Variants in CFAP47 observed in about 807,000 individuals in gnomAD.
CFAP47 encodes cilia- and flagella-associated protein 47.
CFAP47 carries 29 observed loss-of-function variants against 148.1 expected under a neutral mutation model. That is an observed-to-expected ratio of 0.20 (90% CI 0.15 to 0.27). CFAP47 has a LOEUF of 0.27. Ranked by LOEUF, CFAP47 falls within the 10% of genes least tolerant of loss-of-function variation. The pLI, the probability that CFAP47 is intolerant of heterozygous loss-of-function variation, is 1.00. For synonymous variants in CFAP47, 664 were observed against 577.3 expected (o/e 1.15, Z -2.15); for missense variants, 1,872 against 1,697.5 (o/e 1.10, Z -1.81).
chrX:35,968,002 T>C (rs759511757), intron 10 of CFAP47, among the ~76,000 whole-genome samples, 170 bp downstream of exon 10: 3 of 110,224 alleles, frequency 2.7e-5, no homozygotes, highest in Non-Finnish European at 5.7e-5. Flanking sequence ...TGGAGTGACA[T>C]GGTTGTTGAA....
chrX:35,972,008 A>T (rs765690337), intron 13 of CFAP47, 43 bp downstream of exon 13: 43 of 647,421 alleles, frequency 6.6e-5, no homozygotes, highest in African/African-American at 1.3e-4. Context: ...ATTTTTTTAT[A>T]AAAAAAAGAT....
At chrX:36,355,350 T>C (rs1941777414) in intron 60 of CFAP47, among the ~76,000 whole-genome samples, 1 of 111,729 alleles carries the variant, frequency 9.0e-6, no homozygotes, top group Non-Finnish European at 1.9e-5. Context: ...TCATCTATTA[T>C]CTAGCAATCC....
Position 36,200,488 on chromosome X carries a change from A to T in CFAP47, c.6431A>T (p.Glu2144Val). 3.4e-6 allele frequency: 1 copy of T among 296,378 alleles called. No individual in the cohort carries two copies. The highest frequency in any genetic ancestry group is 5.9e-6 in the Non-Finnish European group (1 of 169,512). 24.4% of individuals were successfully genotyped at this position (296,378 alleles called of 1,213,427 possible). Residue 2144 changes from glutamate to valine, a missense_variant, in exon 43 of 64, where the codon GAA (glutamate) becomes GTA (valine). Transcript: ENST00000378653. ...SSPVYYSTTR[E>V]EGPNKKYPVL... ...CCAGTTTATTACAGCACTACTCGAG[A>T]AGAAGGTAGAGTACACATGTGTTTT...
chrX:36,235,258 C>T (rs902535431), intron 46 of CFAP47, among the ~76,000 whole-genome samples: 8 of 112,136 alleles, frequency 7.1e-5, no homozygotes, highest in Non-Finnish European at 9.4e-5. Context: ...CCTTGAGCTG[C>T]GGTGGGCTCC....
chrX:36,261,339 T>C (rs1465521254), intron 49 of CFAP47, among the ~76,000 whole-genome samples: 1 of 96,237 alleles, frequency 1.0e-5, no homozygotes, highest in Non-Finnish European at 2.1e-5. Context: ...TTTTTTTTTT[T>C]TTTTTCATTG....
Position 35,924,392 on chromosome X carries a change from T to C in CFAP47, c.250-1625T>C, listed in dbSNP as rs770283451. On this transcript the variant is annotated intron_variant, in intron 1 of 63. Transcript: ENST00000378653. ...ATGTGCATATATGCACACATATGTG[T>C]ATATATGCACACACATATGTGTATA... Among the ~76,000 whole-genome samples the C allele has an allele frequency of 4.8e-5, 5 of 104,714 alleles. No homozygotes were observed. In the East Asian group the frequency reaches 1.2e-3, roughly 25 times the overall value. 90.9% of individuals were successfully genotyped at this position (104,714 alleles called of 115,157 possible).
chrX:36,263,752 G>A (rs782085908), intron 49 of CFAP47, among the ~76,000 whole-genome samples: 25 of 111,536 alleles, frequency 2.2e-4, no homozygotes, highest in Middle Eastern at 9.3e-3. Context: ...AATCAAGGAC[G>A]CCAAGAGCCC....
intron 63 of CFAP47, 134 bp downstream of exon 63, chrX:36,379,652 C>G: frequency 2.0e-6 from 1 of 501,922 alleles, no homozygotes; most frequent in East Asian, 3.8e-5. Context: ...CAACTTATCT[C>G]AACTGCTACA....
intron 57 of CFAP47, among the ~76,000 whole-genome samples, chrX:36,339,619 A>G (rs977128641): frequency 9.0e-6 from 1 of 111,525 alleles, no homozygotes; most frequent in African/African-American, 3.3e-5. Flanking sequence ...TGGTTATGCA[A>G]CGTGTGCTTG....
At chrX:36,227,086 T>C (rs1477755673) in intron 45 of CFAP47, among the ~76,000 whole-genome samples, 2 of 111,848 alleles carry the variant, frequency 1.8e-5, no homozygotes, top group African/African-American at 6.5e-5. Context: ...TTTGTTCTAT[T>C]GAGATTGCCA....
At chrX:36,236,294 A>G (rs1419102626) in intron 47 of CFAP47, among the ~76,000 whole-genome samples, 1 of 112,408 alleles carries the variant, frequency 8.9e-6, no homozygotes, top group Non-Finnish European at 1.9e-5. Flanking sequence ...TGTGAATACT[A>G]GCATTCAAAT....
intron 51 of CFAP47, among the ~76,000 whole-genome samples, chrX:36,289,516 A>C (rs1243129981): frequency 1.8e-5 from 2 of 111,349 alleles, no homozygotes; most frequent in Non-Finnish European, 3.8e-5. Flanking sequence ...TAAATACAAA[A>C]AATGAAGATG....
chrX:36,046,188 CAT>C (rs1937463748), intron 25 of CFAP47, among the ~76,000 whole-genome samples: 2 of 109,932 alleles, frequency 1.8e-5, no homozygotes, highest in Admixed American at 9.7e-5. Context: ...TAAGTTTTTA[CAT>C]ATATAAGTAA....
chrX:35,950,947 A>G (rs887164881), intron 4 of CFAP47, among the ~76,000 whole-genome samples, 184 bp from the exon 5 acceptor site: 3 of 111,743 alleles, frequency 2.7e-5, no homozygotes, highest in African/African-American at 9.8e-5. Context: ...TTGTAGATTC[A>G]GATATACAGA....
chrX:36,137,114 T>A (rs1027460340), intron 33 of CFAP47, among the ~76,000 whole-genome samples: 6 of 111,190 alleles, frequency 5.4e-5, no homozygotes, highest in African/African-American at 2.0e-4. Context: ...GAAGCTAATA[T>A]ACATGTCATG....
At chrX:36,291,560 T>A in intron 51 of CFAP47, among the ~76,000 whole-genome samples, 2 of 109,819 alleles carry the variant, frequency 1.8e-5, no homozygotes, top group South Asian at 7.8e-4. Flanking sequence ...CTTCCGTAAA[T>A]GCAGATGAAG....
intron 56 of CFAP47, among the ~76,000 whole-genome samples, chrX:36,316,516 A>G (rs1941435020): frequency 8.9e-6 from 1 of 111,766 alleles, no homozygotes; most frequent in Non-Finnish European, 1.9e-5. Flanking sequence ...TCTTTTGAGC[A>G]ATTGTCTGGT....
Position 36,371,804 on chromosome X carries a change from A to ATGTGTATATATGTG in CFAP47, c.9185+4680_9185+4681insGTATATATGTGTGT, listed in dbSNP as rs782525559. Among the ~76,000 whole-genome samples, 6 of 51,093 alleles carry ATGTGTATATATGTG rather than the reference A, an allele frequency of 1.2e-4. 1 individual carries two copies. In the African/African-American group the frequency reaches 1.4e-3, roughly 12 times the overall value. The allele number at this position is 51,093 out of a possible 115,157, so 44.4% of individuals were successfully genotyped here. On this transcript the variant is annotated intron_variant, in intron 62 of 63. Transcript: ENST00000378653. The stretch of plus-strand genomic sequence containing the variant: ...TGTATATATGTGTGTATATACACAC[A>ATGTGTATATATGTG]TGTATATATGTGTGCATATACACAC...
In CFAP47 at chrX:36,283,511, A is replaced by T. The variant is rs1204241480; in HGVS notation, c.7589-2118A>T. Among the ~76,000 whole-genome samples, 3 of 111,986 alleles carry T rather than the reference A, an allele frequency of 2.7e-5. No homozygotes were observed. In the East Asian group the frequency reaches 8.4e-4, roughly 31 times the overall value. On this transcript the variant is annotated intron_variant, in intron 50 of 63. Coordinates refer to ENST00000378653, the MANE Select transcript of CFAP47 (RefSeq NM_001304548.2). Reference sequence around the variant, plus strand: ...AGGGCCCAGATACTTGGTCAACTTTATTTTTAATGTTTCTGAGAAAGTGTT... The same window carrying T: ...AGGGCCCAGATACTTGGTCAACTTTTTTTTTAATGTTTCTGAGAAAGTGTT...
Sources: allele counts gnomAD v4.1 joint callset (sites outside exome capture counted in the v4.1 genomes callset), GRCh38; gene constraint gnomAD v4.1.1; transcripts MANE v1.5; gene names NCBI Gene and HGNC (gene_info 2026-07-23, HGNC 2026-07-21).